Variants in CNTNAP2 observed in about 807,000 individuals in gnomAD.
CNTNAP2 encodes contactin associated protein 2.
Under a neutral mutation model 155.2 loss-of-function variants are expected in CNTNAP2, and 98 were observed. That is an observed-to-expected ratio of 0.63 (90% CI 0.54 to 0.75). The LOEUF is 0.75. Among genes scored for constraint, CNTNAP2 ranks in the 30% least tolerant of loss-of-function variants. The probability of loss-of-function intolerance (pLI) is 0.00; values close to 1 mark genes in which losing one functional copy is unlikely to be tolerated. For synonymous variants in CNTNAP2, 651 were observed against 631.2 expected, an observed-to-expected ratio of 1.03 and a Z score of -0.47; for missense variants, 1,727 against 1,688.1, an observed-to-expected ratio of 1.02 and a Z score of -0.40.
intron 1 of CNTNAP2, among the ~76,000 whole-genome samples, chr7:146,558,556 T>G (rs1465759898): frequency 6.6e-6 from 1 of 152,150 alleles, no homozygotes; most frequent in Non-Finnish European, 1.5e-5. Context: ...CTTCAAAAGT[T>G]TCCTTCTTCC....
At chr7:146,950,773 G>A (rs551772054) in intron 3 of CNTNAP2, among the ~76,000 whole-genome samples, 1 of 152,126 alleles carries the variant, frequency 6.6e-6, no homozygotes, top group African/African-American at 2.4e-5. Context: ...TGTGTCTTTA[G>A]AGTAGAATGA....
At chr7:146,544,240 T>A (rs896773506) in intron 1 of CNTNAP2, among the ~76,000 whole-genome samples, 3 of 151,944 alleles carry the variant, frequency 2.0e-5, no homozygotes, top group Non-Finnish European at 2.9e-5. Context: ...TTATTACAGC[T>A]GCAACAAGTG....
intron 1 of CNTNAP2, among the ~76,000 whole-genome samples, chr7:146,604,782 G>GA (rs1799014743): frequency 2.8e-5 from 4 of 144,060 alleles, no homozygotes. Context: ...TAGGGACATG[G>GA]ATGAAATTGG....
intron 2 of CNTNAP2, among the ~76,000 whole-genome samples, chr7:146,830,437 C>T (rs1050991399): frequency 2.4e-4 from 37 of 151,844 alleles, no homozygotes; most frequent in Non-Finnish European, 2.8e-4. Context: ...CTGATACTAG[C>T]TATTTATATG....
At chr7:146,699,823 C>G (rs183349333) in intron 1 of CNTNAP2, among the ~76,000 whole-genome samples, 1 of 152,112 alleles carries the variant, frequency 6.6e-6, no homozygotes, top group Non-Finnish European at 1.5e-5. Context: ...CAAAAATTAG[C>G]TGGGTGTGAT....
chr7:146,214,623 T>A (rs914226676), intron 1 of CNTNAP2, among the ~76,000 whole-genome samples: 4 of 152,170 alleles, frequency 2.6e-5, no homozygotes, highest in African/African-American at 9.7e-5. Flanking sequence ...ATTCTGTTGA[T>A]CCTAAATTTT....
At chr7:146,308,929 A>G (rs1800770464) in intron 1 of CNTNAP2, among the ~76,000 whole-genome samples, 1 of 152,176 alleles carries the variant, frequency 6.6e-6, no homozygotes, top group Non-Finnish European at 1.5e-5. Flanking sequence ...GTACATATGT[A>G]ACAAACCTGC....
intron 18 of CNTNAP2, among the ~76,000 whole-genome samples, chr7:148,181,219 C>T (rs1795033065): frequency 3.9e-5 from 6 of 152,144 alleles, no homozygotes; most frequent in Admixed American, 3.9e-4. Context: ...TCAGCCTCCA[C>T]AATTACATGA....
intron 2 of CNTNAP2, among the ~76,000 whole-genome samples, chr7:146,808,594 G>A (rs916387847): frequency 1.4e-4 from 21 of 152,238 alleles, no homozygotes; most frequent in Non-Finnish European, 2.2e-4. Context: ...TTGTATGTAC[G>A]TTTGCAAGGA....
At chr7:148,388,976 G>T (rs1424648686) in intron 22 of CNTNAP2, among the ~76,000 whole-genome samples, 1 of 152,016 alleles carries the variant, frequency 6.6e-6, no homozygotes, top group Non-Finnish European at 1.5e-5. Flanking sequence ...CTGCTCAGGG[G>T]TCAGGGGTCA....
At chr7:146,767,627 T>C (rs1802220278) in intron 1 of CNTNAP2, among the ~76,000 whole-genome samples, 1 of 152,134 alleles carries the variant, frequency 6.6e-6, no homozygotes, top group Non-Finnish European at 1.5e-5. Context: ...GTATGAACCA[T>C]AAAAATGGGA....
At chr7:148,002,572 A>C (rs1014716936) in intron 15 of CNTNAP2, among the ~76,000 whole-genome samples, 1 of 151,852 alleles carries the variant, frequency 6.6e-6, no homozygotes, top group African/African-American at 2.4e-5. Flanking sequence ...CTTAAAAAAT[A>C]CTCTAGTTAG....
chr7:146,421,088 CAAG>C (rs1308792749), intron 1 of CNTNAP2, among the ~76,000 whole-genome samples: 1 of 151,918 alleles, frequency 6.6e-6, no homozygotes, highest in African/African-American at 2.4e-5. Flanking sequence ...GGTATGATGT[CAAG>C]AAGAGTACAA....
intron 8 of CNTNAP2, among the ~76,000 whole-genome samples, chr7:147,185,695 TA>T (rs1802550118): frequency 1.3e-5 from 2 of 152,264 alleles, no homozygotes; most frequent in Admixed American, 6.5e-5. Context: ...CAAATGAGTA[TA>T]AAACAAAACA....
intron 3 of CNTNAP2, among the ~76,000 whole-genome samples, chr7:146,868,581 A>T (rs930019970): frequency 6.6e-6 from 1 of 152,176 alleles, no homozygotes; most frequent in Non-Finnish European, 1.5e-5. Flanking sequence ...ACAGCATAGC[A>T]TTGAATTTGT....
At chr7:146,817,238 G>A (rs1803189740) in intron 2 of CNTNAP2, among the ~76,000 whole-genome samples, 2 of 152,044 alleles carry the variant, frequency 1.3e-5, no homozygotes, top group African/African-American at 4.8e-5. Flanking sequence ...TTGGGAGACT[G>A]AGGCAGGCAG....
intron 13 of CNTNAP2, among the ~76,000 whole-genome samples, chr7:147,722,270 A>G (rs1408030884): frequency 6.6e-6 from 1 of 152,142 alleles, no homozygotes; most frequent in Non-Finnish European, 1.5e-5. Flanking sequence ...TTAATCTTAC[A>G]TTAATTACAT....
intron 1 of CNTNAP2, among the ~76,000 whole-genome samples, chr7:146,394,528 G>A (rs956217638): frequency 3.3e-5 from 5 of 151,974 alleles, no homozygotes; most frequent in East Asian, 3.9e-4. Context: ...TTACAGATTC[G>A]TTATGACCTT....
chr7:147,895,076 T>C (rs1799756675), intron 13 of CNTNAP2, among the ~76,000 whole-genome samples: 1 of 148,544 alleles, frequency 6.7e-6, no homozygotes, highest in African/African-American at 2.5e-5. Flanking sequence ...GTTCAAGTGA[T>C]TCCCCTGCCT....
Sources: allele counts gnomAD v4.1 joint callset (sites outside exome capture counted in the v4.1 genomes callset), GRCh38; gene constraint gnomAD v4.1.1; transcripts MANE v1.5; gene names NCBI Gene and HGNC (gene_info 2026-07-23, HGNC 2026-07-21).